DUS1L: variants seen among roughly 807,000 people sequenced by gnomAD.
DUS1L encodes tRNA-dihydrouridine(16/17) synthase [NAD(P)(+)]-like.
A neutral mutation model predicts 61.2 loss-of-function variants in DUS1L; 56 were observed. That is an observed-to-expected ratio of 0.92 (90% CI 0.74 to 1.14). DUS1L has a LOEUF of 1.14. DUS1L is among the 50% of genes most tolerant of loss of function. DUS1L has a pLI of 0.00. For missense variants in DUS1L, 630 were observed against 632.4 expected, an observed-to-expected ratio of 1.00 and a Z score of 0.04; for synonymous variants, 278 against 259.5, an observed-to-expected ratio of 1.07 and a Z score of -0.69.
At chr17:82,063,985 C>G in intron 3 of DUS1L, 141 bp downstream of exon 3, 1 of 723,056 alleles carries the variant, frequency 1.4e-6, no homozygotes, top group South Asian at 1.8e-5. Context: ...AGGCGGAGCA[C>G]AGAGGACAGC....
At chr17:82,065,374 G>C (rs2033721922) in intron 1 of DUS1L, 1 of 347,364 alleles carries the variant, frequency 2.9e-6, no homozygotes, top group Non-Finnish European at 5.3e-6. Context: ...GCGTCCCCGC[G>C]GGCCTGGCCC....
At chr17:82,060,417 A>G in intron 10 of DUS1L, 1 of 582,640 alleles carries the variant, frequency 1.7e-6, no homozygotes, top group Non-Finnish European at 3.0e-6. Context: ...ATCCACCAGG[A>G]TCAGAGGAGC....
At chr17:82,058,606 C>G in intron 12 of DUS1L, 175 bp downstream of exon 12, 1 of 1,478,974 alleles carries the variant, frequency 6.8e-7, no homozygotes, top group Non-Finnish European at 8.9e-7. Flanking sequence ...CCCTCCAGGC[C>G]TGGGCAGGGG....
intron 11 of DUS1L, chr17:82,059,212 G>T (rs921924850): frequency 9.7e-6 from 2 of 206,254 alleles, no homozygotes; most frequent in African/African-American, 2.3e-5. Context: ...GTCAAATCAA[G>T]AATTCAGCCT....
At chr17:82,063,350 GATGCTGAGAACT>G in intron 4 of DUS1L, 106 bp downstream of exon 4, 2 of 1,391,720 alleles carry the variant, frequency 1.4e-6, no homozygotes, top group Non-Finnish European at 2.0e-6. Flanking sequence ...GCCCCAGGGT[GATGCTGAGAACT>G]CCTGCCAACG....
rs780595618 is a variant in DUS1L at position 82,058,057 on chromosome 17, C to T, written c.*58G>A. On this transcript the variant is annotated 3_prime_UTR_variant, in exon 14 of 14. Coordinates refer to ENST00000306796, the MANE Select transcript of DUS1L (RefSeq NM_022156.5). ...AGATTCCCTGAGTAAAAGGCATTTT[C>T]TTAAGTAGGACGTGTCCAGGCTCCA... 4.8e-6 allele frequency: 7 copies of T among 1,461,660 alleles called. No individual in the cohort carries two copies. In the East Asian group the frequency reaches 1.0e-4, roughly 21 times the overall value. 90.5% of individuals were successfully genotyped at this position (1,461,660 alleles called of 1,614,324 possible). A position where few individuals can be genotyped will look rare whatever the true frequency, so the allele number is the denominator to read the frequency against.
intron 5 of DUS1L, among the ~76,000 whole-genome samples, chr17:82,062,199 G>T (rs549328141): frequency 6.6e-6 from 1 of 152,198 alleles, no homozygotes; most frequent in African/African-American, 2.4e-5. Context: ...CCTACCCCAA[G>T]GCCTCTGCAC....
Position 82,058,775 on chromosome 17 carries a change from A to G in DUS1L, c.1206+6T>C, listed in dbSNP as rs754525560. On this transcript the variant is annotated splice_donor_region_variant and intron_variant, in intron 12 of 13. Coordinates refer to ENST00000306796, the MANE Select transcript of DUS1L (RefSeq NM_022156.5). ...CCTTGGTGGCTTGCAGCCGGAACCC[A>G]CTCACCTTTGGGTTTCCACACTGGT... is the stretch of plus-strand genomic sequence containing the variant. 1.2e-6 allele frequency: 2 copies of G among 1,613,250 alleles called. No individual in the cohort carries two copies. The highest frequency in any genetic ancestry group is 1.3e-5 in the African/African-American group (1 of 75,028).
At chr17:82,063,549 C>A (rs750288143) in intron 3 of DUS1L, 31 bp from the exon 4 acceptor site, 2 of 1,612,968 alleles carry the variant, frequency 1.2e-6, no homozygotes, top group East Asian at 2.2e-5. Context: ...CTGGCTGGCA[C>A]CTGTGTTAAG....
In DUS1L at chr17:82,062,957, C is replaced by T. The variant is rs200963097; in HGVS notation, c.414G>A (p.Glu138=). 2.5e-6 allele frequency: 4 copies of T among 1,612,972 alleles called. No homozygotes were observed. In the African/African-American group the frequency reaches 5.3e-5, roughly 21 times the overall value. The stretch of plus-strand genomic sequence containing the variant: ...TGCACGTGACAGGAACAGAGAGTTT[C>T]TCGTGGGCCAGCAAAACTGGGGAGA... ...LLQRMILLAH[E]KLSVPVTCKI... Residue 138 remains glutamate, a synonymous_variant, in exon 5 of 14, where the codon GAG becomes GAA. Coordinates refer to ENST00000306796, the MANE Select transcript of DUS1L (RefSeq NM_022156.5).
chr17:82,061,419 T>C, intron 7 of DUS1L, 66 bp from the exon 8 acceptor site: 1 of 1,533,672 alleles, frequency 6.5e-7, no homozygotes, highest in Non-Finnish European at 8.8e-7. Context: ...CAGGAAAGCC[T>C]GGGACACTCA....
In DUS1L at chr17:82,061,914, T is replaced by C; in HGVS notation, c.580A>G (p.Ile194Val). ...ACACCCACTCACCGCACAGCCTTGATATGCTCCCAGGACGCTGCACCCGAC... is the reference window on the plus strand; with the variant it reads ...ACACCCACTCACCGCACAGCCTTGACATGCTCCCAGGACGCTGCACCCGAC... ...PLSGAASWEH[I>V]KAVRKAVAIP... The change falls in exon 6 of 14, where the codon ATC (isoleucine) becomes GTC (valine). Residue 194 changes from isoleucine to valine, a missense_variant. Ile to Val is a conservative substitution (Grantham distance 29, BLOSUM62 3). Transcript: ENST00000306796. 6.2e-7 allele frequency: 1 copy of C among 1,610,338 alleles called. No individual in the cohort carries two copies. The highest frequency in any genetic ancestry group is 8.5e-7 in the Non-Finnish European group (1 of 1,178,492).
Position 82,062,873 on chromosome 17 carries a change from C to G in DUS1L, c.498G>C (p.Lys166Asn). The change falls in exon 5 of 14, where the codon AAG becomes AAC. Residue 166 changes from lysine (K) to asparagine (N), a missense_variant. Coordinates refer to ENST00000306796, the MANE Select transcript of DUS1L (RefSeq NM_022156.5). ...GCCCAGGGCTCACCTGGCAGCCGGC[C>G]TTCTCCAGCATCTGGGCGTACCTCA... ...KTVRYAQMLE[K>N]AGCQLLTVHG... is the part of the protein sequence containing the mutation. 1 of 1,612,782 alleles carries G rather than the reference C, an allele frequency of 6.2e-7. No homozygotes were observed. The highest frequency in any genetic ancestry group is 8.5e-7 in the Non-Finnish European group (1 of 1,179,922).
rs372697085 is a variant in DUS1L, at chr17:82,058,322, G to A, written c.1282+19C>T. ...GGGGTCTGTTTGCCTGCTGCGGGGC[G>A]GGTGGTAGGCGCCCTCACCTGGGCA... On this transcript the variant is annotated intron_variant, in intron 13 of 13. Coordinates refer to ENST00000306796, the MANE Select transcript of DUS1L (RefSeq NM_022156.5). 18 of 1,516,614 alleles carry A rather than the reference G, an allele frequency of 1.2e-5. No individual in the cohort carries two copies. The highest frequency in any genetic ancestry group is 1.8e-4 in the Middle Eastern group (1 of 5,646). The allele number at this position is 1,516,614 out of a possible 1,614,324, so 93.9% of individuals were successfully genotyped here.
intron 11 of DUS1L, chr17:82,059,479 C>T: frequency 5.9e-6 from 1 of 168,682 alleles, no homozygotes; most frequent in South Asian, 1.6e-4. Context: ...GACCAGGGGT[C>T]TCAGGGGAGA....
At position 82,062,916 on chromosome 17, in the gene DUS1L, G is replaced by T. The variant is rs752032535; in HGVS notation, c.455C>A (p.Pro152Gln). ...VPVTCKIRVFPEIDKTVRYAQ... is the reference protein window; with the variant it reads ...VPVTCKIRVFQEIDKTVRYAQ... ...GTACCTCACGGTCTTGTCAATCTCCGGGAAGACACGGATTTTGCACGTGAC... is the reference window on the plus strand; with the variant it reads ...GTACCTCACGGTCTTGTCAATCTCCTGGAAGACACGGATTTTGCACGTGAC... Residue 152 changes from proline to glutamine, a missense_variant, in exon 5 of 14, where the codon CCG (proline) becomes CAG (glutamine). Pro to Gln is a moderately conservative substitution (Grantham distance 76, BLOSUM62 -1). Transcript: ENST00000306796. 1 of 1,613,034 alleles carries T rather than the reference G, an allele frequency of 6.2e-7. No homozygotes were observed. The highest frequency in any genetic ancestry group is 1.7e-5 in the Admixed American group (1 of 60,028).
rs34965590 is a variant in DUS1L, at chr17:82,057,842, G to C, written c.*273C>G. 187,925 of 325,004 alleles carry C rather than the reference G, an allele frequency of 0.58. 56,264 individuals are homozygous for C. The highest frequency in any genetic ancestry group is 0.63 in the Non-Finnish European group (111,773 of 177,920). The allele number at this position is 325,004 out of a possible 1,614,324, so 20.1% of individuals were successfully genotyped here. A position where few individuals can be genotyped will look rare whatever the true frequency, so the allele number is the denominator to read the frequency against. On this transcript the variant is annotated 3_prime_UTR_variant, in exon 14 of 14. Transcript: ENST00000306796. ...ACCTGCCCCGGCTCATGCCTCCCTG[G>C]GTCTGAGAGGGCAGTGGTCACAGGC...
chr17:82,060,761 C>T lies in DUS1L; in HGVS notation c.962G>A (p.Gly321Glu), dbSNP rs751431592. ...RCQEEISRQE[G>E]AKPTGDLPFH... Reference sequence around the variant, plus strand: ...GGGCAAGTCGCCGGTGGGCTTCGCTCCCTCCTGCCTGGATATCTCCTCCTG... The same window carrying T: ...GGGCAAGTCGCCGGTGGGCTTCGCTTCCTCCTGCCTGGATATCTCCTCCTG... Residue 321 changes from glycine to glutamate, a missense_variant, in exon 10 of 14, where the codon GGA becomes GAA. Physicochemically the swap from Gly to Glu is moderately conservative, Grantham distance 98 (BLOSUM62 -2). Coordinates refer to ENST00000306796, the MANE Select transcript of DUS1L (RefSeq NM_022156.5). 2 of 1,612,570 alleles carry T rather than the reference C, an allele frequency of 1.2e-6. No individual in the cohort carries two copies. The highest frequency in any genetic ancestry group is 4.5e-5 in the East Asian group (2 of 44,868).
At position 82,065,074 on chromosome 17, in the gene DUS1L, G is replaced by A. The variant is rs1187451660; in HGVS notation, c.-10-5C>T. The A allele has an allele frequency of 1.3e-6, 2 of 1,580,384 alleles. No homozygotes were observed. The highest frequency in any genetic ancestry group is 1.2e-5 in the South Asian group (1 of 86,776). ...AGCTTTGGCATCGTCTCCAGGCTGG[G>A]GGAAAGGCGCAGACCCGGGGTTCAG... is the stretch of plus-strand genomic sequence containing the variant. On this transcript the variant is annotated splice_region_variant and splice_polypyrimidine_tract_variant and intron_variant, in intron 1 of 13. Coordinates refer to ENST00000306796, the MANE Select transcript of DUS1L (RefSeq NM_022156.5).
Sources: allele counts gnomAD v4.1 joint callset (sites outside exome capture counted in the v4.1 genomes callset), GRCh38; gene constraint gnomAD v4.1.1; transcripts MANE v1.5; gene names NCBI Gene and HGNC (gene_info 2026-07-23, HGNC 2026-07-21).